CAPN5: variants seen among roughly 807,000 people sequenced by gnomAD.
CAPN5 encodes the protein calpain-5.
A neutral mutation model predicts 73.0 loss-of-function variants in CAPN5; 54 were observed. That is an observed-to-expected ratio of 0.74 (90% CI 0.59 to 0.93). The LOEUF (loss-of-function observed/expected upper bound fraction) is 0.93. CAPN5 is among the 40% of genes least tolerant of loss of function. The probability of loss-of-function intolerance (pLI) is 0.00; values close to 1 mark genes in which losing one functional copy is unlikely to be tolerated. For synonymous variants in CAPN5, 335 were observed against 356.9 expected (o/e 0.94, Z 0.69); for missense variants, 785 against 882.9 (o/e 0.89, Z 1.41).
chr11:77,071,614 G>A (rs1949907576), intron 1 of CAPN5: 1 of 454,014 alleles, frequency 2.2e-6, no homozygotes, highest in African/African-American at 2.0e-5. Context: ...TTACAGATGA[G>A]AATTCTGAAG....
In CAPN5 at chr11:77,108,464, GGGACCCGAA is replaced by G. The variant is rs1174616130; in HGVS notation, c.298-4121_298-4113del. ...TGGGTGTTTGGTGGTTGTGGTAGAT[GGGACCCGAA>G]GGAGGGAGCGTTGGAGGGATGAGGC... On this transcript the variant is annotated intron_variant, in intron 3 of 12. Transcript: ENST00000648180. Among the ~76,000 whole-genome samples the G allele has an allele frequency of 3.3e-5, 5 of 152,316 alleles. No individual in the cohort carries two copies. The East Asian group carries it at 9.6e-4, about 29-fold the overall frequency.
Position 77,093,774 on chromosome 11 carries a change from C to T in CAPN5, c.258C>T (p.Ala86=). 1 of 1,612,152 alleles carries T rather than the reference C, an allele frequency of 6.2e-7. No homozygotes were observed. Among genetic ancestry groups the T allele is most frequent in the Non-Finnish European group, 8.5e-7 (1 of 1,180,000 alleles). ...GQVGNCWFVA[A]CSSLASRESL... Reference sequence around the variant, plus strand: ...TGGGCAACTGCTGGTTTGTGGCAGCCTGCTCGTCACTTGCCTCCCGGGAGT... The same window carrying T: ...TGGGCAACTGCTGGTTTGTGGCAGCTTGCTCGTCACTTGCCTCCCGGGAGT... Residue 86 remains alanine, a synonymous_variant, in exon 3 of 13, where the codon GCC becomes GCT. Transcript: ENST00000648180.
intron 1 of CAPN5, among the ~76,000 whole-genome samples, chr11:77,075,566 G>A (rs1452440918): frequency 2.6e-5 from 4 of 152,222 alleles, no homozygotes; most frequent in Non-Finnish European, 5.9e-5. Flanking sequence ...AGCCCACCTA[G>A]GTATGTGGTG....
intron 2 of CAPN5, among the ~76,000 whole-genome samples, chr11:77,090,763 C>T (rs892329608): frequency 1.3e-5 from 2 of 152,190 alleles, no homozygotes; most frequent in African/African-American, 4.8e-5. Context: ...TCTCCCTTCC[C>T]GGTCTTGCCT....
chr11:77,122,304 G>T (rs1333417358), intron 11 of CAPN5, among the ~76,000 whole-genome samples: 3 of 152,200 alleles, frequency 2.0e-5, no homozygotes, highest in Non-Finnish European at 4.4e-5. Context: ...GGCTGAGAAG[G>T]TATTAAGATA....
intron 3 of CAPN5, among the ~76,000 whole-genome samples, chr11:77,111,957 G>A (rs1293027469): frequency 6.6e-6 from 1 of 152,020 alleles, no homozygotes; most frequent in Admixed American, 6.5e-5. Context: ...CTGCTGTGGG[G>A]GAGGCAGAGA....
At chr11:77,091,346 G>C (rs567714510) in intron 2 of CAPN5, among the ~76,000 whole-genome samples, 2 of 152,204 alleles carry the variant, frequency 1.3e-5, no homozygotes, top group African/African-American at 4.8e-5. Flanking sequence ...CTGGCCGCCT[G>C]TGGTAGGACC....
intron 3 of CAPN5, 41 bp downstream of exon 3, chr11:77,093,854 G>C (rs968964423): frequency 1.9e-6 from 3 of 1,594,862 alleles, no homozygotes; most frequent in Non-Finnish European, 2.6e-6. Context: ...TGGGGAGTGT[G>C]AACGCAGCCT....
At chr11:77,069,947 T>G (rs1949885890) in intron 1 of CAPN5, among the ~76,000 whole-genome samples, 1 of 152,116 alleles carries the variant, frequency 6.6e-6, no homozygotes, top group Non-Finnish European at 1.5e-5. Context: ...GCAGAGCTGC[T>G]CACTTGCCTA....
At chr11:77,101,781 C>G (rs7122312) in intron 3 of CAPN5, among the ~76,000 whole-genome samples, 17,479 of 152,246 alleles carry the variant, frequency 0.11, 1,429 homozygotes, top group East Asian at 0.29. Context: ...TCCGGCTCCA[C>G]TCACACTCCA....
intron 1 of CAPN5, among the ~76,000 whole-genome samples, chr11:77,073,531 C>CA (rs1484819905): frequency 6.6e-6 from 1 of 152,140 alleles, no homozygotes; most frequent in Non-Finnish European, 1.5e-5. Flanking sequence ...TGCAGGCCAG[C>CA]ACAGCCCTCA....
At chr11:77,101,793 T>C (rs1381091811) in intron 3 of CAPN5, among the ~76,000 whole-genome samples, 1 of 152,196 alleles carries the variant, frequency 6.6e-6, no homozygotes, top group Non-Finnish European at 1.5e-5. Flanking sequence ...CACACTCCAG[T>C]TCTTTCATTT....
rs115253186 is a variant in CAPN5 at position 77,109,613 on chromosome 11, C to T, written c.298-2976C>T. Among the ~76,000 whole-genome samples, 414 of 152,256 alleles carry T rather than the reference C, an allele frequency of 2.7e-3. 1 individual carries two copies. Among genetic ancestry groups the T allele is most frequent in the African/African-American group, 9.6e-3 (398 of 41,548 alleles). ...AGTCTGTGCTGGCTTCCTTGGTTTC[C>T]GGCGTGGCGTGGGAGGGTTTTTGGT... is the stretch of plus-strand genomic sequence containing the variant. On this transcript the variant is annotated intron_variant, in intron 3 of 12. Coordinates refer to ENST00000648180, the MANE Select transcript of CAPN5 (RefSeq NM_004055.5).
At chr11:77,067,632 C>CGT (rs71043542) in intron 1 of CAPN5, among the ~76,000 whole-genome samples, 6,932 of 126,654 alleles carry the variant, frequency 0.055, 227 homozygotes, top group African/African-American at 0.086. Flanking sequence ...GGCGGGCGCA[C>CGT]GTGTGTGTGT....
chr11:77,093,626 G>A lies in CAPN5; in HGVS notation c.166-56G>A, dbSNP rs539457906. 50 of 1,518,562 alleles carry A rather than the reference G, an allele frequency of 3.3e-5. No individual in the cohort carries two copies. In the South Asian group the frequency reaches 5.8e-4, roughly 18 times the overall value. The allele number at this position is 1,518,562 out of a possible 1,614,324, so 94.1% of individuals were successfully genotyped here. A position where few individuals can be genotyped will look rare whatever the true frequency, so the allele number is the denominator to read the frequency against. Reference sequence around the variant, plus strand: ...CTGTGTCTGTCATGTCTCCTGCCATGGGGGGCATCCGCATGCTCCTCCGCC... The same window carrying A: ...CTGTGTCTGTCATGTCTCCTGCCATAGGGGGCATCCGCATGCTCCTCCGCC... On this transcript the variant is annotated intron_variant, in intron 2 of 12. Transcript: ENST00000648180.
chr11:77,076,880 C>G (rs1480505735), intron 1 of CAPN5, among the ~76,000 whole-genome samples: 1 of 152,104 alleles, frequency 6.6e-6, no homozygotes, highest in Admixed American at 6.6e-5. Context: ...GGATTTATAC[C>G]CAGTAGTGGG....
chr11:77,121,952 GC>G lies in CAPN5; in HGVS notation c.1511del (p.Pro504HisfsTer15). ...SNCRELRLDE[P>X]PHTCWSSLCG... ...ATATCAGGGAGCTGCGCCTGGATGA[GC>G]CCCCACACACCTGCTGGAGCTCCCT... On this transcript the variant is annotated frameshift_variant, in exon 11 of 13. Transcript: ENST00000648180. LOFTEE classifies it high-confidence loss of function. 1.3e-6 allele frequency: 2 copies of G among 1,553,464 alleles called. No homozygotes were observed. Among genetic ancestry groups the G allele is most frequent in the Non-Finnish European group, 8.7e-7 (1 of 1,148,356 alleles).
intron 1 of CAPN5, among the ~76,000 whole-genome samples, chr11:77,084,197 C>T (rs1342031386): frequency 6.6e-6 from 1 of 152,206 alleles, no homozygotes; most frequent in Non-Finnish European, 1.5e-5. Flanking sequence ...GTCCCTTGCA[C>T]TTGGTCAGCA....
chr11:77,115,495 G>A lies in CAPN5; in HGVS notation c.800G>A (p.Gly267Asp). 2 of 1,613,358 alleles carry A rather than the reference G, an allele frequency of 1.2e-6. No individual in the cohort carries two copies. Among genetic ancestry groups the A allele is most frequent in the Non-Finnish European group, 1.7e-6 (2 of 1,179,980 alleles). The stretch of plus-strand genomic sequence containing the variant: ...GTGCGCAAGGTGCGCCTGGGCCACG[G>A]CCTACTGGCCTTCTTCAAGTCAGAG... ...TDVRKVRLGH[G>D]LLAFFKSEKL... Residue 267 changes from glycine to aspartate, a missense_variant, in exon 6 of 13, where the codon GGC becomes GAC. Transcript: ENST00000648180.
Sources: gnomAD v4.1 joint callset for allele counts (sites outside exome capture counted in the v4.1 genomes callset) on GRCh38, gnomAD v4.1.1 for gene constraint, MANE v1.5 for transcripts, NCBI Gene and HGNC (gene_info 2026-07-23, HGNC 2026-07-21) for gene names.